Variants in TRIM44 observed in about 807,000 individuals in gnomAD.
TRIM44 encodes tripartite motif containing 44.
TRIM44 carries 13 observed loss-of-function variants against 37.4 expected under a neutral mutation model. The ratio of observed to expected loss-of-function variants is 0.35; its 90% CI spans 0.23 to 0.55. The LOEUF is 0.55. Among genes scored for constraint, TRIM44 ranks in the 20% least tolerant of loss-of-function variants. The pLI is 0.89. For synonymous variants in TRIM44, 175 were observed against 157.2 expected, an observed-to-expected ratio of 1.11 and a Z score of -0.85; for missense variants, 426 against 437.2, an observed-to-expected ratio of 0.97 and a Z score of 0.23.
At chr11:35,685,457 T>C in intron 2 of TRIM44, 121 bp downstream of exon 2, 3 of 794,242 alleles carry the variant, frequency 3.8e-6, no homozygotes, top group Non-Finnish European at 6.2e-6. Context: ...TAATTAAGCC[T>C]GCCCATCAGA....
intron 4 of TRIM44, among the ~76,000 whole-genome samples, chr11:35,770,311 G>T (rs574851187): frequency 3.3e-5 from 5 of 152,318 alleles, no homozygotes; most frequent in South Asian, 2.1e-4. Flanking sequence ...ACTGCTGATG[G>T]GCACACAAGG....
chr11:35,673,701 A>G (rs903354682), intron 1 of TRIM44, among the ~76,000 whole-genome samples: 1 of 152,056 alleles, frequency 6.6e-6, no homozygotes, highest in African/African-American at 2.4e-5. Flanking sequence ...TCAAAATAGG[A>G]TGAGTTCATA....
intron 1 of TRIM44, among the ~76,000 whole-genome samples, chr11:35,665,969 G>A (rs1040191315): frequency 2.0e-5 from 3 of 151,942 alleles, no homozygotes; most frequent in Non-Finnish European, 4.4e-5. Flanking sequence ...TTTTAAAGAA[G>A]TTGTGCCTTG....
At chr11:35,696,296 C>G (rs556334907) in intron 2 of TRIM44, among the ~76,000 whole-genome samples, 5 of 151,766 alleles carry the variant, frequency 3.3e-5, no homozygotes, top group African/African-American at 1.2e-4. Context: ...TGCCCGCTAC[C>G]ATGCCCAGCT....
intron 2 of TRIM44, among the ~76,000 whole-genome samples, chr11:35,696,367 C>T (rs1463661249): frequency 6.6e-6 from 1 of 151,368 alleles, no homozygotes; most frequent in Non-Finnish European, 1.5e-5. Context: ...TGGTCTCGAT[C>T]TCCTGACCTC....
At chr11:35,774,439 G>A (rs1226328898) in intron 4 of TRIM44, among the ~76,000 whole-genome samples, 1 of 152,184 alleles carries the variant, frequency 6.6e-6, no homozygotes, top group East Asian at 1.9e-4. Context: ...TCTGATGGTA[G>A]TTTCTTTTGC....
rs1199719829 is a variant in TRIM44, at chr11:35,807,071, A to G, written c.*686A>G. 3.3e-5 allele frequency: 5 copies of G among 152,154 alleles called. No homozygotes were observed. Among genetic ancestry groups the G allele is most frequent in the African/African-American group, 9.7e-5 (4 of 41,426 alleles). 9.4% of individuals were successfully genotyped at this position (152,154 alleles called of 1,614,324 possible). A position where few individuals can be genotyped will look rare whatever the true frequency, so the allele number is the denominator to read the frequency against. ...TGGAACGGAAATGACCTTAGGGGGA[A>G]AAAAAAGGACCAAAGAAGTCTGATT... is the stretch of plus-strand genomic sequence containing the variant. On this transcript the variant is annotated 3_prime_UTR_variant, in exon 5 of 5. Transcript: ENST00000299413.
chr11:35,680,162 G>T (rs778754097), intron 1 of TRIM44, among the ~76,000 whole-genome samples: 16 of 152,132 alleles, frequency 1.1e-4, no homozygotes, highest in Non-Finnish European at 2.4e-4. Flanking sequence ...TTACATTTAG[G>T]CAAATTCATG....
At chr11:35,687,566 A>G (rs1012739034) in intron 2 of TRIM44, among the ~76,000 whole-genome samples, 4 of 152,184 alleles carry the variant, frequency 2.6e-5, no homozygotes, top group Non-Finnish European at 4.4e-5. Flanking sequence ...CAAACTTATA[A>G]TTAGCAGTGC....
chr11:35,731,952 G>C (rs1590550913), intron 3 of TRIM44, among the ~76,000 whole-genome samples: 1 of 151,928 alleles, frequency 6.6e-6, no homozygotes, highest in East Asian at 1.9e-4. Flanking sequence ...TACCCATTTT[G>C]CGCCATTTAT....
chr11:35,671,577 T>A (rs7131682), intron 1 of TRIM44, among the ~76,000 whole-genome samples: 2 of 152,200 alleles, frequency 1.3e-5, no homozygotes, highest in African/African-American at 4.8e-5. Flanking sequence ...GTGGCTGATA[T>A]TGGCAATAGA....
chr11:35,751,633 T>C (rs1324146121), intron 4 of TRIM44, among the ~76,000 whole-genome samples: 2 of 152,218 alleles, frequency 1.3e-5, no homozygotes, highest in African/African-American at 2.4e-5. Flanking sequence ...TTTTGTCTTA[T>C]ACCCTTTAAA....
chr11:35,720,133 TG>T (rs1259326267), intron 2 of TRIM44, among the ~76,000 whole-genome samples: 1 of 152,200 alleles, frequency 6.6e-6, no homozygotes, highest in African/African-American at 2.4e-5. Flanking sequence ...TTGGAAGACC[TG>T]ACATCTTGAC....
At chr11:35,672,239 T>C (rs1000084598) in intron 1 of TRIM44, among the ~76,000 whole-genome samples, 1 of 152,194 alleles carries the variant, frequency 6.6e-6, no homozygotes, top group African/African-American at 2.4e-5. Context: ...AGCCACCCAC[T>C]ACACATACCC....
chr11:35,669,740 A>G (rs369473015), intron 1 of TRIM44, among the ~76,000 whole-genome samples: 1 of 152,024 alleles, frequency 6.6e-6, no homozygotes, highest in Admixed American at 6.5e-5. Context: ...TGGCCTCCCA[A>G]AGTGCTGGGA....
intron 4 of TRIM44, among the ~76,000 whole-genome samples, chr11:35,800,303 G>A (rs762311340): frequency 9.2e-5 from 14 of 152,318 alleles, no homozygotes; most frequent in South Asian, 6.2e-4. Flanking sequence ...TATGAAGAGC[G>A]AAAGAACAAA....
intron 4 of TRIM44, among the ~76,000 whole-genome samples, chr11:35,757,379 T>G (rs969206332): frequency 1.3e-5 from 2 of 152,188 alleles, no homozygotes; most frequent in African/African-American, 4.8e-5. Flanking sequence ...TGCGTCTATT[T>G]GATTCTTCTC....
chr11:35,720,982 C>T (rs1852100089), intron 2 of TRIM44, among the ~76,000 whole-genome samples: 1 of 151,680 alleles, frequency 6.6e-6, no homozygotes, highest in Non-Finnish European at 1.5e-5. Flanking sequence ...CCCCTCACTG[C>T]AACCTCCGCC....
chr11:35,784,247 G>T (rs7122980), intron 4 of TRIM44, among the ~76,000 whole-genome samples: 8,662 of 152,232 alleles, frequency 0.057, 819 homozygotes, highest in African/African-American at 0.2. Context: ...GTCTGTAGGG[G>T]ATTCTCGAAG....
Sources: allele counts gnomAD v4.1 joint callset (sites outside exome capture counted in the v4.1 genomes callset), GRCh38; gene constraint gnomAD v4.1.1; transcripts MANE v1.5; gene names NCBI Gene and HGNC (gene_info 2026-07-23, HGNC 2026-07-21).